The following ASTN1 variants were observed in gnomAD, a reference collection of about 807,000 sequenced individuals.
ASTN1 encodes astrotactin 1, also known as astrotactin-1.
In ASTN1, 41 loss-of-function variants were observed where a neutral mutation model predicts 140.7. The ratio of observed to expected loss-of-function variants is 0.29; its 90% CI spans 0.23 to 0.38. The LOEUF (loss-of-function observed/expected upper bound fraction) is 0.38. Among genes scored for constraint, ASTN1 ranks in the 10% least tolerant of loss-of-function variants. ASTN1 has a pLI of 1.00. For missense variants in ASTN1, 1,479 were observed against 1,678.8 expected, an observed-to-expected ratio of 0.88 and a Z score of 2.08; for synonymous variants, 640 against 652.2, an observed-to-expected ratio of 0.98 and a Z score of 0.29.
At chr1:177,126,825 G>A (rs1040627420) in intron 1 of ASTN1, among the ~76,000 whole-genome samples, 2 of 152,110 alleles carry the variant, frequency 1.3e-5, no homozygotes, top group African/African-American at 4.8e-5. Flanking sequence ...CATGCCTCAA[G>A]CCCTGTTTTC....
intron 1 of ASTN1, among the ~76,000 whole-genome samples, chr1:177,110,157 G>C (rs186000514): frequency 6.6e-6 from 1 of 152,256 alleles, no homozygotes; most frequent in Non-Finnish European, 1.5e-5. Context: ...AACTATACAT[G>C]ATGTGTGAAA....
At chr1:176,919,777 T>G (rs1485746421) in intron 16 of ASTN1, among the ~76,000 whole-genome samples, 3 of 152,254 alleles carry the variant, frequency 2.0e-5, no homozygotes, top group African/African-American at 7.2e-5. Context: ...CAGGGCAGCC[T>G]GCATGGGCAA....
intron 1 of ASTN1, among the ~76,000 whole-genome samples, chr1:177,077,804 C>T (rs971058231): frequency 4.6e-5 from 7 of 152,118 alleles, no homozygotes; most frequent in Non-Finnish European, 8.8e-5. Flanking sequence ...TCCTGAGGCC[C>T]TTCATTTCAC....
At chr1:177,051,195 G>C (rs1341690455) in intron 2 of ASTN1, among the ~76,000 whole-genome samples, 1 of 152,148 alleles carries the variant, frequency 6.6e-6, no homozygotes, top group Non-Finnish European at 1.5e-5. Context: ...TGGGGGTCTG[G>C]CTAAAACTAG....
chr1:177,083,875 G>C (rs1053327716), intron 1 of ASTN1, among the ~76,000 whole-genome samples: 15 of 152,304 alleles, frequency 9.8e-5, no homozygotes, highest in African/African-American at 3.4e-4. Flanking sequence ...CTTTCAGAGA[G>C]AGTCAGAGGT....
intron 11 of ASTN1, 107 bp downstream of exon 11, chr1:176,957,571 A>G: frequency 1.5e-5 from 21 of 1,393,072 alleles, no homozygotes; most frequent in Non-Finnish European, 2.1e-5. Flanking sequence ...GGTGTTTACA[A>G]CTGGGGATCA....
intron 15 of ASTN1, among the ~76,000 whole-genome samples, chr1:176,934,901 A>G (rs1671368270): frequency 6.6e-6 from 1 of 152,228 alleles, no homozygotes; most frequent in Admixed American, 6.5e-5. Context: ...GACATGGGCA[A>G]TAAGAAGACA....
intron 16 of ASTN1, among the ~76,000 whole-genome samples, chr1:176,909,784 TC>T (rs1305079905): frequency 1.3e-5 from 2 of 152,122 alleles, no homozygotes; most frequent in African/African-American, 4.8e-5. Context: ...AAAAAGCCTA[TC>T]CCTCCTAGGT....
chr1:177,124,913 T>C (rs1681570642), intron 1 of ASTN1, among the ~76,000 whole-genome samples: 1 of 152,222 alleles, frequency 6.6e-6, no homozygotes, highest in African/African-American at 2.4e-5. Flanking sequence ...TGTGTGGTAG[T>C]CCGTGCTCTC....
At chr1:176,890,589 T>C (rs369839892) in intron 17 of ASTN1, among the ~76,000 whole-genome samples, 15 of 152,148 alleles carry the variant, frequency 9.9e-5, no homozygotes, top group East Asian at 3.8e-4. Context: ...TGGTAAGTAA[T>C]TGCAGTATTT....
chr1:177,101,755 G>C (rs1482381606), intron 1 of ASTN1, among the ~76,000 whole-genome samples: 1 of 152,178 alleles, frequency 6.6e-6, no homozygotes, highest in Admixed American at 6.5e-5. Flanking sequence ...GATAGGGAGA[G>C]AGTGACAAAT....
At chr1:177,083,506 G>A (rs1264739204) in intron 1 of ASTN1, among the ~76,000 whole-genome samples, 1 of 152,138 alleles carries the variant, frequency 6.6e-6, no homozygotes, top group Non-Finnish European at 1.5e-5. Context: ...GGCTTTGGAA[G>A]TTAAGAATTC....
intron 1 of ASTN1, among the ~76,000 whole-genome samples, chr1:177,103,948 G>A (rs1680420012): frequency 6.6e-6 from 1 of 152,082 alleles, no homozygotes; most frequent in African/African-American, 2.4e-5. Context: ...AGATCCCTAG[G>A]CCAACTCAGT....
intron 18 of ASTN1, among the ~76,000 whole-genome samples, chr1:176,885,226 T>G (rs182895501): frequency 2.2e-4 from 34 of 152,338 alleles, no homozygotes; most frequent in Admixed American, 3.3e-4. Flanking sequence ...GGTTCCTGAT[T>G]CCAGCCTTTC....
intron 1 of ASTN1, among the ~76,000 whole-genome samples, chr1:177,097,125 A>G (rs1464972861): frequency 6.6e-6 from 1 of 152,106 alleles, no homozygotes; most frequent in Non-Finnish European, 1.5e-5. Flanking sequence ...GTTTAGAGCA[A>G]CCCATACAGA....
intron 2 of ASTN1, among the ~76,000 whole-genome samples, chr1:177,051,258 G>T (rs1392647307): frequency 1.3e-5 from 2 of 152,240 alleles, no homozygotes; most frequent in African/African-American, 2.4e-5. Context: ...CCACTCAGTT[G>T]TTAGGTTGTA....
intron 1 of ASTN1, among the ~76,000 whole-genome samples, chr1:177,131,986 C>T (rs1267873372): frequency 6.6e-6 from 1 of 152,136 alleles, no homozygotes; most frequent in Non-Finnish European, 1.5e-5. Flanking sequence ...GACCCAAACA[C>T]CTCCTACCAG....
chr1:177,056,576 T>C (rs1483255416), intron 2 of ASTN1, among the ~76,000 whole-genome samples: 1 of 128,040 alleles, frequency 7.8e-6, no homozygotes, highest in African/African-American at 2.7e-5. Flanking sequence ...TATATATATA[T>C]ATATATATAT....
chr1:177,072,865 G>A (rs1395532184), intron 1 of ASTN1, among the ~76,000 whole-genome samples: 4 of 151,948 alleles, frequency 2.6e-5, no homozygotes, highest in African/African-American at 9.7e-5. Context: ...GAATGTCTGT[G>A]TTCATATTCT....
Sources: allele counts gnomAD v4.1 joint callset (sites outside exome capture counted in the v4.1 genomes callset), GRCh38; gene constraint gnomAD v4.1.1; transcripts MANE v1.5; gene names NCBI Gene and HGNC (gene_info 2026-07-23, HGNC 2026-07-21).